UBN2: variants seen among roughly 807,000 people sequenced by gnomAD.
UBN2 encodes the protein ubinuclein 2.
In UBN2, 35 loss-of-function variants were observed where a neutral mutation model predicts 120.2. The ratio of observed to expected loss-of-function variants is 0.29; its 90% confidence interval spans 0.22 to 0.39. UBN2 has a LOEUF of 0.39. Ranked by LOEUF, UBN2 falls within the 10% of genes least tolerant of loss-of-function variation. The pLI is 1.00. For missense variants in UBN2, 1,693 were observed against 1,663.2 expected (o/e 1.02, Z -0.31); for synonymous variants, 661 against 648.7 (o/e 1.02, Z -0.29).
intron 3 of UBN2, among the ~76,000 whole-genome samples, chr7:139,253,794 T>C (rs1375007285): frequency 2.0e-5 from 3 of 152,246 alleles, no homozygotes; most frequent in African/African-American, 7.2e-5. Flanking sequence ...GATTATGATA[T>C]CCTCTGCAAT....
At chr7:139,323,592 ATTATTATTATTT>A in the UBN2 span, among the ~76,000 whole-genome samples, 1 of 120,658 alleles carries the variant, frequency 8.3e-6, no homozygotes, top group Non-Finnish European at 1.8e-5. Flanking sequence ...TATTATTATT[ATTATTATTATTT>A]TTGAGACGGA....
the UBN2 span, among the ~76,000 whole-genome samples, chr7:139,318,413 G>A: frequency 5.3e-5 from 8 of 152,146 alleles, no homozygotes; most frequent in African/African-American, 1.9e-4. Context: ...TGCTCATGGT[G>A]GCTTATTTCT....
the UBN2 span, among the ~76,000 whole-genome samples, chr7:139,319,852 G>A: frequency 8.6e-5 from 13 of 151,934 alleles, no homozygotes; most frequent in Admixed American, 2.6e-4. Flanking sequence ...CGAGGTGGGC[G>A]TATCACAAGG....
chr7:139,246,862 A>G (rs542293017), intron 2 of UBN2, among the ~76,000 whole-genome samples: 1 of 152,188 alleles, frequency 6.6e-6, no homozygotes, highest in African/African-American at 2.4e-5. Flanking sequence ...GTACTTTTGA[A>G]ATTCCTCCAT....
Position 139,274,009 on chromosome 7 carries a change from T to TAAG in UBN2, c.1908_1909insAAG (p.Asp636_Tyr637insLys). The TAAG allele has an allele frequency of 6.2e-7, 1 of 1,614,004 alleles. No homozygotes were observed. The highest frequency in any genetic ancestry group is 8.5e-7 in the Non-Finnish European group (1 of 1,179,942). ...CAAATAAAAGCCAGTCTGCTGAAGATTATCTTAAGTCTTTTATGGAGACAG... is the reference window on the plus strand; with the variant it reads ...CAAATAAAAGCCAGTCTGCTGAAGATAAGTATCTTAAGTCTTTTATGGAGACAG... On this transcript the variant is annotated inframe_insertion, in exon 11 of 18. Coordinates refer to ENST00000473989, the MANE Select transcript of UBN2 (RefSeq NM_173569.4).
intron 5 of UBN2, among the ~76,000 whole-genome samples, 182 bp downstream of exon 5, chr7:139,259,552 C>T (rs970478330): frequency 1.3e-5 from 2 of 152,168 alleles, no homozygotes; most frequent in African/African-American, 4.8e-5. Flanking sequence ...AAGGCTTTGT[C>T]ATCTTAGAGA....
At chr7:139,269,742 G>T (rs534037343) in intron 8 of UBN2, among the ~76,000 whole-genome samples, 171 of 152,248 alleles carry the variant, frequency 1.1e-3, no homozygotes, top group African/African-American at 3.9e-3. Flanking sequence ...GGCATAGATT[G>T]TTGGATGTAA....
Position 139,305,906 on chromosome 7 carries a change from T to A in UBN2, c.*8070T>A, listed in dbSNP as rs1265234396. On this transcript the variant is annotated 3_prime_UTR_variant, in exon 18 of 18. Transcript: ENST00000473989. ...CTCATAATAGTCTGCCTTGCTTATT[T>A]TCATACTCCCCCTGAAATAAGCCTA... The A allele has an allele frequency of 1.3e-5, 2 of 152,212 alleles. No homozygotes were observed. Among genetic ancestry groups the A allele is most frequent in the Non-Finnish European group, 2.9e-5 (2 of 68,028 alleles). 9.4% of individuals were successfully genotyped at this position (152,212 alleles called of 1,614,324 possible).
At chr7:139,308,767 C>G (rs1002832281), downstream of UBN2, among the ~76,000 whole-genome samples, 2 of 152,184 alleles carry the variant, frequency 1.3e-5, no homozygotes, top group Non-Finnish European at 2.9e-5. Flanking sequence ...AAAAATAATT[C>G]AACCTTAGAA....
At chr7:139,265,019 A>T (rs924925350) in intron 6 of UBN2, among the ~76,000 whole-genome samples, 2 of 152,184 alleles carry the variant, frequency 1.3e-5, no homozygotes, top group African/African-American at 4.8e-5. Flanking sequence ...TATACCAGGA[A>T]CATTTGAATT....
chr7:139,287,105 G>T (rs757103568), intron 15 of UBN2, among the ~76,000 whole-genome samples: 6 of 151,502 alleles, frequency 4.0e-5, no homozygotes, highest in Non-Finnish European at 7.4e-5. Flanking sequence ...CTTCCCTTAT[G>T]AAAAAAAAGG....
chr7:139,259,286 A>G lies in UBN2; in HGVS notation c.821A>G (p.Asp274Gly). The part of the protein sequence containing the change: ...KPPKVPKIKE[D>G]DIEMKKRKRK... Reference sequence around the variant, plus strand: ...TTGCAGGTCCCCAAAATAAAAGAAGATGATATTGAGATGAAGAAGCGGAAG... The same window carrying G: ...TTGCAGGTCCCCAAAATAAAAGAAGGTGATATTGAGATGAAGAAGCGGAAG... The change falls in exon 5 of 18, where the codon GAT becomes GGT. Residue 274 changes from aspartate (D) to glycine (G), a missense_variant. Asp to Gly is a moderately conservative substitution (Grantham distance 94). Around this residue, in one of 5 missense-constraint regions of UBN2, gnomAD observed 663 missense variants for 591.2 expected, o/e 1.12. Transcript: ENST00000473989. 6.2e-7 allele frequency: 1 copy of G among 1,613,580 alleles called. No individual in the cohort carries two copies. Among genetic ancestry groups the G allele is most frequent in the Non-Finnish European group, 8.5e-7 (1 of 1,179,790 alleles).
At chr7:139,287,117 A>G (rs1797814102) in intron 15 of UBN2, among the ~76,000 whole-genome samples, 1 of 152,206 alleles carries the variant, frequency 6.6e-6, no homozygotes, top group Non-Finnish European at 1.5e-5. Context: ...AAAAAAAGGT[A>G]TATGGAAGAT....
At chr7:139,238,709 A>C (rs1796230192) in intron 2 of UBN2, among the ~76,000 whole-genome samples, 1 of 152,196 alleles carries the variant, frequency 6.6e-6, no homozygotes, top group South Asian at 2.1e-4. Flanking sequence ...GGCGTGAGCC[A>C]TTGGGCCTGG....
chr7:139,243,664 G>A (rs1313714035), intron 2 of UBN2, among the ~76,000 whole-genome samples: 1 of 152,190 alleles, frequency 6.6e-6, no homozygotes, highest in Non-Finnish European at 1.5e-5. Context: ...GGTAAGGCAG[G>A]AGGCAGGTCA....
chr7:139,255,647 A>G (rs558748885), intron 3 of UBN2, among the ~76,000 whole-genome samples: 41 of 152,242 alleles, frequency 2.7e-4, no homozygotes, highest in Middle Eastern at 6.8e-3. Flanking sequence ...TTTTAATGAG[A>G]TAATTCAGAC....
rs1797343246 is a variant in UBN2 at position 139,273,283 on chromosome 7, T to G, written c.1716-14T>G. On this transcript the variant is annotated splice_polypyrimidine_tract_variant and intron_variant, in intron 9 of 17. Coordinates refer to ENST00000473989, the MANE Select transcript of UBN2 (RefSeq NM_173569.4). ...GGTTAAAAGTTTGTTTTGTAAAGTGTTTTTCATTTTTAGATTGCAGACAGA... is the reference window on the plus strand; with the variant it reads ...GGTTAAAAGTTTGTTTTGTAAAGTGGTTTTCATTTTTAGATTGCAGACAGA... 2 of 1,582,518 alleles carry G rather than the reference T, an allele frequency of 1.3e-6. No individual in the cohort carries two copies. Among genetic ancestry groups the G allele is most frequent in the South Asian group, 1.2e-5 (1 of 86,622 alleles).
At chr7:139,259,109 G>A (rs1264478600) in intron 4 of UBN2, among the ~76,000 whole-genome samples, 158 bp from the exon 5 acceptor site, 2 of 152,172 alleles carry the variant, frequency 1.3e-5, no homozygotes, top group African/African-American at 4.8e-5. Flanking sequence ...CGAAACCGGA[G>A]GTGAGAGTGC....
chr7:139,282,948 T>C, intron 14 of UBN2, 76 bp from the exon 15 acceptor site: 1 of 1,196,298 alleles, frequency 8.4e-7, no homozygotes, highest in East Asian at 2.6e-5. Context: ...CATGAGAATC[T>C]TTTAGTTATT....
Sources: gnomAD v4.1 joint callset for allele counts (sites outside exome capture counted in the v4.1 genomes callset) on GRCh38, gnomAD v4.1.1 for gene constraint, gnomAD v4.1.1 regional missense constraint, MANE v1.5 for transcripts, NCBI Gene and HGNC (gene_info 2026-07-23, HGNC 2026-07-21) for gene names.